BICD2: variants seen among roughly 807,000 people sequenced by gnomAD.
The protein encoded by BICD2 is protein bicaudal D homolog 2.
BICD2 carries 25 observed loss-of-function variants against 72.9 expected under a neutral mutation model. The ratio of observed to expected loss-of-function variants is 0.34; its 90% CI spans 0.25 to 0.48. BICD2 has a LOEUF of 0.48. Ranked by LOEUF, BICD2 falls within the 20% of genes least tolerant of loss-of-function variation. The pLI, the probability that BICD2 is intolerant of heterozygous loss-of-function variation, is 0.99. For missense variants in BICD2, 894 were observed against 1,175.2 expected (o/e 0.76, Z 3.50); for synonymous variants, 501 against 516.1 (o/e 0.97, Z 0.40).
intron 1 of BICD2, among the ~76,000 whole-genome samples, chr9:92,757,786 G>A (rs1385590687): frequency 2.0e-5 from 3 of 152,138 alleles, no homozygotes; most frequent in African/African-American, 7.2e-5. Flanking sequence ...GATGAACTGC[G>A]GTAGAAACAA....
At chr9:92,752,410 C>A (rs539267268) in intron 1 of BICD2, among the ~76,000 whole-genome samples, 2 of 151,770 alleles carry the variant, frequency 1.3e-5, no homozygotes, top group South Asian at 2.1e-4. Context: ...CTCTCAAGAG[C>A]CAAAGCTGGA....
intron 1 of BICD2, among the ~76,000 whole-genome samples, chr9:92,734,224 G>A (rs1378393557): frequency 6.6e-6 from 1 of 152,012 alleles, no homozygotes; most frequent in Non-Finnish European, 1.5e-5. Flanking sequence ...AGTTAGCATA[G>A]TTGGCAGCTG....
At chr9:92,728,762 T>A (rs1415308058) in intron 2 of BICD2, among the ~76,000 whole-genome samples, 1 of 152,234 alleles carries the variant, frequency 6.6e-6, no homozygotes, top group Non-Finnish European at 1.5e-5. Flanking sequence ...TGCTCTGGAC[T>A]TGCTCATGGG....
At chr9:92,756,653 A>G (rs1017298014) in intron 1 of BICD2, among the ~76,000 whole-genome samples, 4 of 150,874 alleles carry the variant, frequency 2.7e-5, no homozygotes, top group Non-Finnish European at 4.4e-5. Flanking sequence ...CAGGCAGATC[A>G]TGAGGTCAGG....
chr9:92,731,502 C>A (rs915304403), intron 1 of BICD2, among the ~76,000 whole-genome samples: 7 of 151,440 alleles, frequency 4.6e-5, no homozygotes, highest in African/African-American at 1.2e-4. Context: ...AAGAAAAAAA[C>A]CAGGCAATGA....
intron 1 of BICD2, among the ~76,000 whole-genome samples, chr9:92,745,484 G>A (rs895398605): frequency 1.3e-5 from 2 of 151,996 alleles, no homozygotes; most frequent in Admixed American, 6.6e-5. Context: ...CACTGGGCCT[G>A]CTCTGTCCAG....
chr9:92,744,444 C>T (rs545636975), intron 1 of BICD2, among the ~76,000 whole-genome samples: 6 of 152,300 alleles, frequency 3.9e-5, no homozygotes, highest in Admixed American at 3.9e-4. Flanking sequence ...CATGGGTGTA[C>T]TTACTTTGAT....
intron 1 of BICD2, among the ~76,000 whole-genome samples, chr9:92,746,845 G>A (rs1854024014): frequency 1.3e-5 from 2 of 152,152 alleles, no homozygotes; most frequent in Admixed American, 1.3e-4. Flanking sequence ...TTCACCATGG[G>A]GCAGCCACAC....
chr9:92,727,373 G>A (rs181782154), intron 2 of BICD2, among the ~76,000 whole-genome samples: 1 of 152,306 alleles, frequency 6.6e-6, no homozygotes, highest in East Asian at 1.9e-4. Flanking sequence ...CCACAATGTG[G>A]GGTGAAAGAC....
chr9:92,733,284 T>C (rs910042433), intron 1 of BICD2, among the ~76,000 whole-genome samples: 2 of 152,170 alleles, frequency 1.3e-5, no homozygotes, highest in African/African-American at 4.8e-5. Flanking sequence ...ATGCTTGTAA[T>C]CCCAGCACTT....
Position 92,714,172 on chromosome 9 carries a change from T to A in BICD2, c.*982A>T, listed in dbSNP as rs1853251495. On this transcript the variant is annotated 3_prime_UTR_variant, in exon 7 of 7. Transcript: ENST00000356884. ...GTGGCCCTGGCCCTATGCAAAGCTT[T>A]CCCAGCACCGGGCTGGGCTCTGGAT... 1 of 985,548 alleles carries A rather than the reference T, an allele frequency of 1.0e-6. No homozygotes were observed. The highest frequency in any genetic ancestry group is 1.7e-5 in the African/African-American group (1 of 57,370). The allele number at this position is 985,548 out of a possible 1,614,324, so 61.1% of individuals were successfully genotyped here.
At chr9:92,722,296 A>G (rs1232171668) in intron 3 of BICD2, among the ~76,000 whole-genome samples, 1 of 152,178 alleles carries the variant, frequency 6.6e-6, no homozygotes, top group Non-Finnish European at 1.5e-5. Context: ...TGTCACAGGC[A>G]GAGACACAGG....
chr9:92,716,971 G>A (rs966383637), intron 6 of BICD2, among the ~76,000 whole-genome samples: 5 of 152,316 alleles, frequency 3.3e-5, no homozygotes, highest in Non-Finnish European at 7.4e-5. Flanking sequence ...GATGGGAGGT[G>A]AGTACCCAGC....
intron 1 of BICD2, among the ~76,000 whole-genome samples, chr9:92,754,123 C>T (rs1173344947): frequency 1.4e-5 from 2 of 141,838 alleles, no homozygotes; most frequent in Non-Finnish European, 3.0e-5. Flanking sequence ...CCAGCCTGGG[C>T]GAGAGAGCAA....
chr9:92,730,853 G>A (rs1853666313), intron 1 of BICD2, among the ~76,000 whole-genome samples: 1 of 152,170 alleles, frequency 6.6e-6, no homozygotes, highest in South Asian at 2.1e-4. Context: ...TTGCTCACCT[G>A]CCCCCACCCA....
At chr9:92,763,710 C>A (rs1219717154) in intron 1 of BICD2, among the ~76,000 whole-genome samples, 2 of 152,226 alleles carry the variant, frequency 1.3e-5, no homozygotes, top group Non-Finnish European at 2.9e-5. Context: ...CCTACTCTCC[C>A]CCCAGTGGGA....
chr9:92,717,013 C>T (rs1287738108), intron 6 of BICD2, among the ~76,000 whole-genome samples: 1 of 152,236 alleles, frequency 6.6e-6, no homozygotes, highest in East Asian at 1.9e-4. Flanking sequence ...CAGGGCTATG[C>T]ACAGAGGTGG....
At chr9:92,724,036 C>A (rs552403198) in intron 2 of BICD2, among the ~76,000 whole-genome samples, 54 of 152,322 alleles carry the variant, frequency 3.5e-4, no homozygotes, top group Non-Finnish European at 6.0e-4. Flanking sequence ...GCAAAATCAT[C>A]CCCTTGACAA....
At chr9:92,723,890 G>A (rs1001119315) in intron 2 of BICD2, among the ~76,000 whole-genome samples, 2 of 152,168 alleles carry the variant, frequency 1.3e-5, no homozygotes, top group African/African-American at 2.4e-5. Context: ...ATTCAGGGAC[G>A]TTTCTTCTTT....
Sources: gnomAD v4.1 joint callset for allele counts (sites outside exome capture counted in the v4.1 genomes callset) on GRCh38, gnomAD v4.1.1 for gene constraint, MANE v1.5 for transcripts, NCBI Gene and HGNC (gene_info 2026-07-23, HGNC 2026-07-21) for gene names.